Variants in SOX5 observed in about 807,000 individuals in gnomAD.
SOX5 encodes SRY-box transcription factor 5.
A neutral mutation model predicts 92.0 loss-of-function variants in SOX5; 9 were observed. The observed-to-expected ratio is 0.10, with a 90% CI of 0.06 to 0.17. The LOEUF is 0.17. SOX5 is among the 10% of genes least tolerant of loss of function. The pLI, the probability that SOX5 is intolerant of heterozygous loss-of-function variation, is 1.00. For missense variants in SOX5, 642 were observed against 944.5 expected (o/e 0.68, Z 4.20); for synonymous variants, 344 against 336.3 (o/e 1.02, Z -0.25).
chr12:23,723,724 C>T (rs1312707882), intron 6 of SOX5, among the ~76,000 whole-genome samples: 2 of 151,556 alleles, frequency 1.3e-5, no homozygotes, highest in African/African-American at 4.8e-5. Context: ...AATACACATA[C>T]AATTCATATA....
chr12:24,259,481 T>C (rs1181153655), intron 3 of SOX5, among the ~76,000 whole-genome samples: 1 of 152,158 alleles, frequency 6.6e-6, no homozygotes, highest in Non-Finnish European at 1.5e-5. Context: ...TAGAAAAACA[T>C]AAACTGTGAT....
In SOX5 at chr12:23,533,323, T is replaced by C. The variant is rs1034747187; in HGVS notation, c.*896A>G. ...CTTATGTCTCTCTCTCTCTCTCTCT[T>C]TTCACCTGAGAACAGCACCTACAGT... On this transcript the variant is annotated 3_prime_UTR_variant, in exon 15 of 15. Coordinates refer to ENST00000451604, the MANE Select transcript of SOX5 (RefSeq NM_006940.6). 2 of 344,182 alleles carry C rather than the reference T, an allele frequency of 5.8e-6. No homozygotes were observed. The highest frequency in any genetic ancestry group is 3.0e-5 in the Admixed American group (1 of 33,386). 21.3% of individuals were successfully genotyped at this position (344,182 alleles called of 1,614,324 possible).
chr12:24,270,291 G>T (rs4597151), intron 3 of SOX5, among the ~76,000 whole-genome samples: 142,691 of 152,080 alleles, frequency 0.94, 67,435 homozygotes, highest in East Asian at 1. Context: ...GAACTCCTGA[G>T]CTCGTGATCC....
chr12:23,699,029 G>T (rs2140170389), intron 6 of SOX5, among the ~76,000 whole-genome samples: 1 of 152,242 alleles, frequency 6.6e-6, no homozygotes. Flanking sequence ...CCTGGCTTTG[G>T]TAGTTTACAT....
At chr12:24,216,202 G>A (rs911872371) in intron 3 of SOX5, among the ~76,000 whole-genome samples, 1 of 152,160 alleles carries the variant, frequency 6.6e-6, no homozygotes, top group Non-Finnish European at 1.5e-5. Flanking sequence ...AAAAAATCCC[G>A]GCCGGGCGCG....
At chr12:23,927,156 A>G (rs1374839190) in intron 1 of SOX5, among the ~76,000 whole-genome samples, 1 of 152,164 alleles carries the variant, frequency 6.6e-6, no homozygotes, top group African/African-American at 2.4e-5. Flanking sequence ...CTTATAAATT[A>G]GCAAACTTCT....
At chr12:24,542,674 T>C (rs1229486174) in intron 1 of SOX5, among the ~76,000 whole-genome samples, 1 of 152,220 alleles carries the variant, frequency 6.6e-6, no homozygotes, top group Non-Finnish European at 1.5e-5. Context: ...ATTAACTAAA[T>C]ATGACATAAT....
intron 3 of SOX5, among the ~76,000 whole-genome samples, chr12:23,844,738 T>G (rs2096556232): frequency 6.6e-6 from 1 of 152,180 alleles, no homozygotes; most frequent in Admixed American, 6.5e-5. Context: ...AGGTGATTTT[T>G]ATTTTCTTCC....
chr12:24,408,853 T>C (rs1366846244), intron 1 of SOX5, among the ~76,000 whole-genome samples: 2 of 152,162 alleles, frequency 1.3e-5, no homozygotes, highest in African/African-American at 4.8e-5. Context: ...TGTTGAGAAA[T>C]AGGAACGCTT....
In SOX5 at chr12:23,820,878, T is replaced by A. The variant is rs1264981833; in HGVS notation, c.481+25105A>T. Among the ~76,000 whole-genome samples the A allele has an allele frequency of 2.6e-5, 4 of 152,224 alleles. 1 individual carries two copies. Among genetic ancestry groups the A allele is most frequent in the Non-Finnish European group, 5.9e-5 (4 of 68,032 alleles). On this transcript the variant is annotated intron_variant, in intron 3 of 14. Coordinates refer to ENST00000451604, the MANE Select transcript of SOX5 (RefSeq NM_006940.6). Reference sequence around the variant, plus strand: ...GTGTGATGCCTCCAGCTTTGCTCTTTTTGCCTAGGATTGTCTTGGCTATAT... The same window carrying A: ...GTGTGATGCCTCCAGCTTTGCTCTTATTGCCTAGGATTGTCTTGGCTATAT...
chr12:23,787,428 C>G (rs998498482), intron 3 of SOX5, among the ~76,000 whole-genome samples: 1 of 151,972 alleles, frequency 6.6e-6, no homozygotes, highest in African/African-American at 2.4e-5. Context: ...AAGATTTAAA[C>G]CGACTAATTT....
At chr12:24,177,748 C>T (rs147586109) in intron 4 of SOX5, among the ~76,000 whole-genome samples, 1,420 of 125,168 alleles carry the variant, frequency 0.011, 27 homozygotes, top group African/African-American at 0.043. Context: ...TAATAACACT[C>T]ACAGGGTCAC....
chr12:24,012,756 A>T (rs1446509596), intron 4 of SOX5, among the ~76,000 whole-genome samples: 1 of 152,160 alleles, frequency 6.6e-6, no homozygotes, highest in African/African-American at 2.4e-5. Flanking sequence ...TTTAGGGCAG[A>T]ATATTAGAGG....
chr12:23,575,333 T>G (rs1479866029), intron 10 of SOX5, among the ~76,000 whole-genome samples: 1 of 152,204 alleles, frequency 6.6e-6, no homozygotes, highest in African/African-American at 2.4e-5. Context: ...ATTTCAGTGA[T>G]GCAAAAAGTA....
chr12:23,637,619 T>C (rs1460310735), intron 8 of SOX5, among the ~76,000 whole-genome samples: 1 of 152,114 alleles, frequency 6.6e-6, no homozygotes, highest in Non-Finnish European at 1.5e-5. Context: ...GGTGGCTTGG[T>C]TCTTAGTGGT....
intron 4 of SOX5, among the ~76,000 whole-genome samples, chr12:24,180,748 A>G (rs924643679): frequency 1.7e-4 from 26 of 152,216 alleles, no homozygotes; most frequent in African/African-American, 6.0e-4. Flanking sequence ...AATATATTCA[A>G]AATTATCTGA....
At chr12:24,270,988 T>C (rs890821007) in intron 3 of SOX5, among the ~76,000 whole-genome samples, 1 of 152,272 alleles carries the variant, frequency 6.6e-6, no homozygotes, top group African/African-American at 2.4e-5. Context: ...CTTGTAGATT[T>C]CTTCTGACAC....
At chr12:24,418,740 A>G (rs1188376335) in intron 1 of SOX5, among the ~76,000 whole-genome samples, 1 of 152,182 alleles carries the variant, frequency 6.6e-6, no homozygotes, top group Middle Eastern at 3.2e-3. Context: ...CTTTTTCAAA[A>G]AATACCCCAA....
At chr12:24,544,114 G>T (rs912646609) in intron 1 of SOX5, among the ~76,000 whole-genome samples, 2 of 152,038 alleles carry the variant, frequency 1.3e-5, no homozygotes, top group Admixed American at 1.3e-4. Context: ...TCATGAGCAG[G>T]TACTGTTAAA....
Sources: allele counts gnomAD v4.1 joint callset (sites outside exome capture counted in the v4.1 genomes callset), GRCh38; gene constraint gnomAD v4.1.1; transcripts MANE v1.5; gene names NCBI Gene and HGNC (gene_info 2026-07-23, HGNC 2026-07-21).